Variants in CTIF observed in about 807,000 individuals in gnomAD.
CTIF encodes cap binding complex dependent translation initiation factor.
In CTIF, 21 loss-of-function variants were observed where a neutral mutation model predicts 66.0. The ratio of observed to expected loss-of-function variants is 0.32; its 90% confidence interval spans 0.23 to 0.46. The LOEUF is 0.46. Ranked by LOEUF, CTIF falls within the 20% of genes least tolerant of loss-of-function variation. The pLI is 1.00. For missense variants in CTIF, 739 were observed against 812.7 expected (o/e 0.91, Z 1.10); for synonymous variants, 345 against 326.4 (o/e 1.06, Z -0.62).
At chr18:48,572,922 G>A (rs188669927) in intron 1 of CTIF, among the ~76,000 whole-genome samples, 180 of 152,288 alleles carry the variant, frequency 1.2e-3, no homozygotes, top group Non-Finnish European at 1.7e-3. Flanking sequence ...GAGCCCAGGA[G>A]GTTGAGGCTG....
At chr18:48,694,436 A>T (rs1297835529) in intron 6 of CTIF, among the ~76,000 whole-genome samples, 1 of 152,176 alleles carries the variant, frequency 6.6e-6, no homozygotes, top group East Asian at 1.9e-4. Context: ...GAGCTTCAAT[A>T]TCCTGAGTCC....
At chr18:48,774,252 G>C (rs944095577) in intron 9 of CTIF, among the ~76,000 whole-genome samples, 1 of 152,196 alleles carries the variant, frequency 6.6e-6, no homozygotes, top group African/African-American at 2.4e-5. Context: ...CTCTGTCCAG[G>C]AGAGGCGGAT....
At chr18:48,629,358 C>A (rs1038892623) in intron 2 of CTIF, among the ~76,000 whole-genome samples, 4 of 152,312 alleles carry the variant, frequency 2.6e-5, no homozygotes, top group South Asian at 2.1e-4. Flanking sequence ...GCAAACAATT[C>A]TTGCATATCC....
At chr18:48,784,397 C>T (rs1911524688) in intron 9 of CTIF, among the ~76,000 whole-genome samples, 1 of 152,176 alleles carries the variant, frequency 6.6e-6, no homozygotes, top group Non-Finnish European at 1.5e-5. Flanking sequence ...GGGGTTGTTC[C>T]CGAGTATAGT....
At chr18:48,643,914 C>T (rs923589367) in intron 3 of CTIF, among the ~76,000 whole-genome samples, 2 of 152,178 alleles carry the variant, frequency 1.3e-5, no homozygotes, top group African/African-American at 4.8e-5. Context: ...GGTTGATTTC[C>T]AGTAGCAGGG....
At chr18:48,617,937 T>C (rs2090427097) in intron 1 of CTIF, among the ~76,000 whole-genome samples, 1 of 152,174 alleles carries the variant, frequency 6.6e-6, no homozygotes. Flanking sequence ...CGAGGGAGGC[T>C]GGGCCCCTTG....
At chr18:48,831,851 C>T (rs2068699354) in intron 10 of CTIF, among the ~76,000 whole-genome samples, 1 of 152,200 alleles carries the variant, frequency 6.6e-6, no homozygotes, top group Non-Finnish European at 1.5e-5. Flanking sequence ...TCTTTGAAAT[C>T]CAGTCTGTAG....
At chr18:48,838,986 A>G (rs1387905422) in intron 10 of CTIF, among the ~76,000 whole-genome samples, 1 of 152,154 alleles carries the variant, frequency 6.6e-6, no homozygotes, top group African/African-American at 2.4e-5. Context: ...CTCCTCCCGG[A>G]GAAGGACCTC....
intron 6 of CTIF, among the ~76,000 whole-genome samples, chr18:48,675,632 A>C (rs889730563): frequency 6.6e-6 from 1 of 152,174 alleles, no homozygotes; most frequent in African/African-American, 2.4e-5. Context: ...AGGCAGCCAC[A>C]CTAAGGTGTA....
chr18:48,654,960 C>T (rs1192971788), intron 3 of CTIF, among the ~76,000 whole-genome samples: 4 of 151,834 alleles, frequency 2.6e-5, no homozygotes, highest in Admixed American at 2.6e-4. Context: ...AACATCACAC[C>T]CCAGGGCCTG....
intron 6 of CTIF, among the ~76,000 whole-genome samples, chr18:48,710,573 G>C (rs1355256215): frequency 6.6e-6 from 1 of 152,228 alleles, no homozygotes; most frequent in African/African-American, 2.4e-5. Context: ...GGAAGAGGTG[G>C]TAAGAGCAGA....
At chr18:48,750,125 C>G (rs1249159731) in intron 7 of CTIF, among the ~76,000 whole-genome samples, 2 of 152,242 alleles carry the variant, frequency 1.3e-5, no homozygotes, top group Non-Finnish European at 2.9e-5. Flanking sequence ...CTTTCCTGGG[C>G]TTCATTTCAT....
intron 10 of CTIF, among the ~76,000 whole-genome samples, chr18:48,847,783 C>G (rs1258824536): frequency 6.6e-6 from 1 of 152,242 alleles, no homozygotes; most frequent in African/African-American, 2.4e-5. Flanking sequence ...GATTAAGTGG[C>G]ATGCCAGGGG....
intron 3 of CTIF, among the ~76,000 whole-genome samples, chr18:48,658,276 ATG>A (rs2091278421): frequency 6.6e-6 from 1 of 151,586 alleles, no homozygotes; most frequent in South Asian, 2.1e-4. Context: ...TTGTATGTAT[ATG>A]TGTGTGGTCT....
At chr18:48,859,177 C>T (rs1475607113) in intron 11 of CTIF, among the ~76,000 whole-genome samples, 167 bp from the exon 12 acceptor site, 1 of 152,198 alleles carries the variant, frequency 6.6e-6, no homozygotes, top group African/African-American at 2.4e-5. Context: ...CTCTTGGCTA[C>T]TCCACCTTCC....
Position 48,608,252 on chromosome 18 carries a change from G to A in CTIF, c.-28-11286G>A, listed in dbSNP as rs547101133. 3.9e-5 allele frequency among the ~76,000 whole-genome samples: 6 copies of A among 152,276 alleles called. No individual in the cohort carries two copies. The South Asian group carries it at 8.3e-4, about 21-fold the overall frequency. On this transcript the variant is annotated intron_variant, in intron 1 of 11. Transcript: ENST00000256413. The stretch of plus-strand genomic sequence containing the variant: ...CTTAGCTCTAGCTGATGGTTACAGC[G>A]CAAGAAGGTGGGCCAGTGTTGCTCG...
At chr18:48,825,923 G>GC (rs1401243142) in intron 10 of CTIF, 1 of 152,172 alleles carries the variant, frequency 6.6e-6, no homozygotes, top group Non-Finnish European at 1.5e-5. Flanking sequence ...CTAATGTCCG[G>GC]CCAAGGTTAA....
chr18:48,732,247 G>A (rs763148785), intron 7 of CTIF, among the ~76,000 whole-genome samples: 5 of 152,320 alleles, frequency 3.3e-5, no homozygotes, highest in Admixed American at 2.0e-4. Context: ...AGGCTGCCAC[G>A]GGAGACCTCA....
intron 10 of CTIF, among the ~76,000 whole-genome samples, chr18:48,824,742 G>A (rs949673858): frequency 6.6e-6 from 1 of 152,060 alleles, no homozygotes; most frequent in African/African-American, 2.4e-5. Flanking sequence ...CCGGGTTCAA[G>A]CGATTCTTCT....
Sources: gnomAD v4.1 joint callset for allele counts (sites outside exome capture counted in the v4.1 genomes callset) on GRCh38, gnomAD v4.1.1 for gene constraint, MANE v1.5 for transcripts, NCBI Gene and HGNC (gene_info 2026-07-23, HGNC 2026-07-21) for gene names.